The following SNAP91 variants were observed in gnomAD, a reference collection of about 807,000 sequenced individuals.
SNAP91 encodes clathrin coat assembly protein AP180.
Under a neutral mutation model 100.3 loss-of-function variants are expected in SNAP91, and 27 were observed. The ratio of observed to expected loss-of-function variants is 0.27; its 90% CI spans 0.20 to 0.37. SNAP91 has a LOEUF of 0.37. SNAP91 is among the 10% of genes least tolerant of loss of function. The probability of loss-of-function intolerance (pLI) is 1.00; values close to 1 mark genes in which losing one functional copy is unlikely to be tolerated. For missense variants in SNAP91, 986 were observed against 1,123.7 expected (o/e 0.88, Z 1.75); for synonymous variants, 404 against 398.6 (o/e 1.01, Z -0.16).
chr6:83,566,467 C>CTATGCATAAG (rs1796760112), intron 26 of SNAP91, among the ~76,000 whole-genome samples: 2 of 152,050 alleles, frequency 1.3e-5, no homozygotes, highest in African/African-American at 4.8e-5. Context: ...GGCTATTTAC[C>CTATGCATAAG]AGACCTGAAT....
At chr6:83,594,715 T>C (rs1450352568) in intron 16 of SNAP91, among the ~76,000 whole-genome samples, 1 of 151,860 alleles carries the variant, frequency 6.6e-6, no homozygotes, top group Non-Finnish European at 1.5e-5. Context: ...CCTAATAGGA[T>C]CCAAAAGGTA....
At chr6:83,702,997 C>T (rs1236861451) in intron 2 of SNAP91, among the ~76,000 whole-genome samples, 1 of 152,082 alleles carries the variant, frequency 6.6e-6, no homozygotes, top group Non-Finnish European at 1.5e-5. Flanking sequence ...CACAGAATCA[C>T]ACACGTTGGG....
intron 2 of SNAP91, among the ~76,000 whole-genome samples, chr6:83,680,614 A>G (rs2098975588): frequency 2.0e-5 from 3 of 152,278 alleles, no homozygotes; most frequent in Admixed American, 2.0e-4. Flanking sequence ...AGGATGATAT[A>G]CAAGTTTGCG....
intron 12 of SNAP91, among the ~76,000 whole-genome samples, chr6:83,609,143 A>T (rs746192052): frequency 6.6e-5 from 10 of 152,196 alleles, no homozygotes; most frequent in Non-Finnish European, 1.3e-4. Flanking sequence ...GAAGCCCATT[A>T]AAAAATGCCT....
chr6:83,612,253 G>T (rs372278686), intron 11 of SNAP91, among the ~76,000 whole-genome samples: 1 of 152,028 alleles, frequency 6.6e-6, no homozygotes, highest in Admixed American at 6.6e-5. Flanking sequence ...TATACTGTCC[G>T]TGTCAAAGGG....
chr6:83,688,997 T>C (rs980383249), intron 2 of SNAP91, among the ~76,000 whole-genome samples: 2 of 152,170 alleles, frequency 1.3e-5, no homozygotes, highest in African/African-American at 4.8e-5. Context: ...TGCAAGACCC[T>C]CTGCTTACCT....
chr6:83,671,274 A>G (rs945114061), intron 2 of SNAP91, among the ~76,000 whole-genome samples: 1 of 152,060 alleles, frequency 6.6e-6, no homozygotes, highest in Non-Finnish European at 1.5e-5. Context: ...ATATGGGGAT[A>G]TTTATTTTTC....
intron 8 of SNAP91, 74 bp from the exon 9 acceptor site, chr6:83,623,416 C>T (rs1018559375): frequency 4.7e-6 from 5 of 1,063,684 alleles, no homozygotes; most frequent in Non-Finnish European, 5.7e-6. Flanking sequence ...AGATCACCTA[C>T]ACAATTAGTT....
At chr6:83,680,296 A>C (rs558102810) in intron 2 of SNAP91, among the ~76,000 whole-genome samples, 6 of 152,314 alleles carry the variant, frequency 3.9e-5, no homozygotes, top group African/African-American at 1.4e-4. Context: ...TAAGGTTTTA[A>C]ATTTTTACTT....
intron 14 of SNAP91, 39 bp downstream of exon 14, chr6:83,605,646 A>G: frequency 6.5e-7 from 1 of 1,549,042 alleles, no homozygotes; most frequent in Non-Finnish European, 8.7e-7. Context: ...ATGAAATAAA[A>G]TGAATAGAGA....
At chr6:83,587,764 T>C (rs981375039) in intron 22 of SNAP91, among the ~76,000 whole-genome samples, 4 of 152,248 alleles carry the variant, frequency 2.6e-5, no homozygotes, top group African/African-American at 9.6e-5. Flanking sequence ...ATTTTTTTCA[T>C]TTTTTATTTT....
At chr6:83,649,841 G>A (rs1390444807) in intron 7 of SNAP91, among the ~76,000 whole-genome samples, 1 of 151,308 alleles carries the variant, frequency 6.6e-6, no homozygotes, top group Non-Finnish European at 1.5e-5. Context: ...TGCCCACCTT[G>A]GCCTCCCAAA....
At chr6:83,651,321 A>T (rs533207323) in intron 7 of SNAP91, among the ~76,000 whole-genome samples, 103 of 152,000 alleles carry the variant, frequency 6.8e-4, no homozygotes, top group African/African-American at 2.3e-3. Flanking sequence ...CTTGTTTCCC[A>T]AGGTGGAAGC....
intron 26 of SNAP91, among the ~76,000 whole-genome samples, chr6:83,574,294 C>G (rs558328328): frequency 6.6e-6 from 1 of 152,124 alleles, no homozygotes; most frequent in Non-Finnish European, 1.5e-5. Context: ...TCTGAAAACA[C>G]GTTCTTTTTG....
At position 83,608,032 on chromosome 6, in the gene SNAP91, A is replaced by G. The variant is rs528423185; in HGVS notation, c.913-224T>C. On this transcript the variant is annotated intron_variant, in intron 12 of 29. Transcript: ENST00000369694. ...TTTTAAATGTAATTTATATAAAATG[A>G]TAAAATATTTGGCTTAACATTGCAA... Among the ~76,000 whole-genome samples, 5 of 152,342 alleles carry G rather than the reference A, an allele frequency of 3.3e-5. 1 individual carries two copies. The South Asian group carries it at 6.2e-4, about 19-fold the overall frequency.
chr6:83,560,917 G>T lies in SNAP91; in HGVS notation c.2473C>A (p.Pro825Thr), dbSNP rs1259895389. Residue 825 changes from proline to threonine, a missense_variant, in exon 27 of 30, where the codon CCT (proline) becomes ACT (threonine). Around this residue, in one of 4 missense-constraint regions of SNAP91, gnomAD observed 575 missense variants for 579.9 expected, o/e 0.99. Coordinates refer to ENST00000369694, the MANE Select transcript of SNAP91 (RefSeq NM_001242792.2). Reference sequence around the variant, plus strand: ...ACCGATGGGGCCCCGGCAACAGGAGGAACTGAACTGGTTGGAGGTACAGCT... The same window carrying T: ...ACCGATGGGGCCCCGGCAACAGGAGTAACTGAACTGGTTGGAGGTACAGCT... Reference protein sequence around the residue: ...QGAVPPTSSVPPVAGAPSVGQ... With the variant: ...QGAVPPTSSVTPVAGAPSVGQ... The T allele has an allele frequency of 1.2e-6, 2 of 1,612,884 alleles. No homozygotes were observed. Among genetic ancestry groups the T allele is most frequent in the Non-Finnish European group, 8.5e-7 (1 of 1,179,576 alleles).
At chr6:83,580,361 T>C in intron 24 of SNAP91, 89 bp downstream of exon 24, 3 of 1,334,334 alleles carry the variant, frequency 2.2e-6, no homozygotes, top group Middle Eastern at 2.4e-4. Flanking sequence ...AAACAAAACA[T>C]ATGAGATGAG....
intron 2 of SNAP91, among the ~76,000 whole-genome samples, chr6:83,707,513 TTG>T (rs755321805): frequency 1.4e-5 from 2 of 146,060 alleles, no homozygotes; most frequent in African/African-American, 5.3e-5. Context: ...AATCTCTCTC[TTG>T]TGTGTGTGTA....
intron 26 of SNAP91, among the ~76,000 whole-genome samples, chr6:83,562,732 C>T (rs530378821): frequency 6.6e-6 from 1 of 152,302 alleles, no homozygotes; most frequent in South Asian, 2.1e-4. Flanking sequence ...GGAACTTCTG[C>T]CTGCTTGCTG....
Sources: gnomAD v4.1 joint callset for allele counts (sites outside exome capture counted in the v4.1 genomes callset) on GRCh38, gnomAD v4.1.1 for gene constraint, gnomAD v4.1.1 regional missense constraint, MANE v1.5 for transcripts, NCBI Gene and HGNC (gene_info 2026-07-23, HGNC 2026-07-21) for gene names.